The following PRKCSH variants were observed in gnomAD, a reference collection of about 807,000 sequenced individuals.
PRKCSH encodes the protein glucosidase 2 subunit beta.
In PRKCSH, 42 loss-of-function variants were observed where a neutral mutation model predicts 79.7. The observed-to-expected ratio is 0.53, with a 90% confidence interval of 0.41 to 0.68. The LOEUF (loss-of-function observed/expected upper bound fraction) is 0.68, where lower values mean the gene tolerates loss of function less well. Ranked by LOEUF, PRKCSH falls within the 30% of genes least tolerant of loss-of-function variation. The pLI, the probability that PRKCSH is intolerant of heterozygous loss-of-function variation, is 0.00. For missense variants in PRKCSH, 686 were observed against 709.0 expected (o/e 0.97, Z 0.37); for synonymous variants, 325 against 288.2 (o/e 1.13, Z -1.29).
At position 11,442,489 on chromosome 19, in the gene PRKCSH, A is replaced by G. The variant is rs916604550; in HGVS notation, c.572A>G (p.Lys191Arg). 1 of 1,611,784 alleles carries G rather than the reference A, an allele frequency of 6.2e-7. No individual in the cohort carries two copies. Among genetic ancestry groups the G allele is most frequent in the Admixed American group, 1.7e-5 (1 of 59,864 alleles). Residue 191 changes from lysine (K) to arginine (R), a missense_variant, in exon 7 of 18, where the codon AAA (lysine) becomes AGA (arginine). Transcript: ENST00000677123. ...EEAEKPEREA[K>R]EQHQKLWEEQ... is the part of the protein sequence containing the mutation. The stretch of plus-strand genomic sequence containing the variant: ...GCTGAGAAGCCAGAGAGAGAGGCCA[A>G]AGAGCAGCACCAGAAGCTGTGGGAA...
Position 11,447,317 on chromosome 19 carries a change from C to A in PRKCSH, c.850-122C>A. On this transcript the variant is annotated intron_variant, in intron 10 of 17. Coordinates refer to ENST00000677123, the MANE Select transcript of PRKCSH (RefSeq NM_001289104.2). This position sits in a 1 kb window ranked among gnomAD's most constrained non-coding sequence, Gnocchi z 5.6. ...AGACCCCCCGACCCCAGCTGTCGGT[C>A]CTCCCTGCAGGCCCCGCAGGAGGGG... The A allele has an allele frequency of 7.4e-7, 1 of 1,346,548 alleles. No individual in the cohort carries two copies. The highest frequency in any genetic ancestry group is 1.0e-6 in the Non-Finnish European group (1 of 964,954). The allele number at this position is 1,346,548 out of a possible 1,614,324, so 83.4% of individuals were successfully genotyped here.
At chr19:11,442,321 G>C in intron 6 of PRKCSH, 65 bp from the exon 7 acceptor site, 1 of 1,536,020 alleles carries the variant, frequency 6.5e-7, no homozygotes, top group Non-Finnish European at 8.8e-7. Context: ...GAGGCAGGGA[G>C]GTAGTAGTCA....
In PRKCSH at chr19:11,447,300, C is replaced by T. The variant is rs896739189; in HGVS notation, c.850-139C>T. 11 of 1,333,754 alleles carry T rather than the reference C, an allele frequency of 8.2e-6. No individual in the cohort carries two copies. The highest frequency in any genetic ancestry group is 5.9e-5 in the Admixed American group (3 of 50,880). The allele number at this position is 1,333,754 out of a possible 1,614,324, so 82.6% of individuals were successfully genotyped here. Reference sequence around the variant, plus strand: ...CCCAGCACCCCCCACCGAGACCCCCCGACCCCAGCTGTCGGTCCTCCCTGC... The same window carrying T: ...CCCAGCACCCCCCACCGAGACCCCCTGACCCCAGCTGTCGGTCCTCCCTGC... On this transcript the variant is annotated intron_variant, in intron 10 of 17. Transcript: ENST00000677123. The surrounding 1 kb of genome is among the most constrained non-coding windows in gnomAD (Gnocchi z 5.6).
rs1172843245 is a variant in PRKCSH at position 11,449,577 on chromosome 19, C to CT, written c.*16+152dup. The stretch of plus-strand genomic sequence containing the variant: ...TGTTTTTTTGAGGTGGAGTCTCACT[C>CT]TTTGGCCCAGGCTGGAGTGCAGTGA... On this transcript the variant is annotated intron_variant, in intron 17 of 17. Coordinates refer to ENST00000677123, the MANE Select transcript of PRKCSH (RefSeq NM_001289104.2). The surrounding 1 kb of genome is among the most constrained non-coding windows in gnomAD (Gnocchi z 6.4). 1.8e-6 allele frequency: 2 copies of CT among 1,093,288 alleles called. No homozygotes were observed. The highest frequency in any genetic ancestry group is 3.1e-5 in the African/African-American group (2 of 63,682). 67.7% of individuals were successfully genotyped at this position (1,093,288 alleles called of 1,614,324 possible). A position where few individuals can be genotyped will look rare whatever the true frequency, so the allele number is the denominator to read the frequency against.
At chr19:11,439,614 T>TTC (rs1969957776) in intron 5 of PRKCSH, among the ~76,000 whole-genome samples, 1 of 129,204 alleles carries the variant, frequency 7.7e-6, no homozygotes, top group Admixed American at 7.6e-5. Flanking sequence ...TCTTTTTTTT[T>TTC]TTTTTTTTTT....
chr19:11,441,267 C>G lies in PRKCSH; in HGVS notation c.378C>G (p.Ser126=). Residue 126 remains serine, a synonymous_variant, in exon 6 of 18, where the codon TCC becomes TCG. Coordinates refer to ENST00000677123, the MANE Select transcript of PRKCSH (RefSeq NM_001289104.2). ...CKEKGRKERE[S]LQQMAEVTRE... ...AGAAGGGCCGTAAGGAGAGAGAGTC[C>G]CTGCAGCAGATGGCCGAGGTCACCC... 3 of 1,613,998 alleles carry G rather than the reference C, an allele frequency of 1.9e-6. No homozygotes were observed. The highest frequency in any genetic ancestry group is 1.3e-5 in the African/African-American group (1 of 75,010).
intron 6 of PRKCSH, 138 bp downstream of exon 6, chr19:11,441,495 A>T: frequency 1.2e-6 from 1 of 824,214 alleles, no homozygotes; most frequent in Non-Finnish European, 2.1e-6. Flanking sequence ...TTGCTTTCTC[A>T]GTTGTGTGCT....
intron 2 of PRKCSH, 35 bp from the exon 3 acceptor site, chr19:11,436,354 T>TA (rs755172475): frequency 7.8e-5 from 125 of 1,603,700 alleles, no homozygotes; most frequent in Admixed American, 2.3e-4. Flanking sequence ...AGAAGGCGCT[T>TA]ACCTGCCCTG....
In PRKCSH at chr19:11,448,071, A is replaced by G. The variant is rs1413141278; in HGVS notation, c.1127-151A>G. On this transcript the variant is annotated intron_variant, in intron 12 of 17. Transcript: ENST00000677123. The surrounding 1 kb of genome is among the most constrained non-coding windows in gnomAD (Gnocchi z 4.4). ...CTGGGCAGCAAGTCGGGGCTGCTCT[A>G]TAGCTGGTGAGGCCCTCAAGGCTGT... 6 of 886,620 alleles carry G rather than the reference A, an allele frequency of 6.8e-6. No homozygotes were observed. The highest frequency in any genetic ancestry group is 1.7e-5 in the African/African-American group (1 of 60,304). 54.9% of individuals were successfully genotyped at this position (886,620 alleles called of 1,614,324 possible). A position where few individuals can be genotyped will look rare whatever the true frequency, so the allele number is the denominator to read the frequency against.
rs1370966719 is a variant in PRKCSH at position 11,447,973 on chromosome 19, G to A, written c.1126+184G>A. Reference sequence around the variant, plus strand: ...AGTCCCACCCTCGCCAGCCCCAAGGGGCCCTTCTGCCTCCCCAAGGGCCGC... The same window carrying A: ...AGTCCCACCCTCGCCAGCCCCAAGGAGCCCTTCTGCCTCCCCAAGGGCCGC... On this transcript the variant is annotated intron_variant, in intron 12 of 17. Coordinates refer to ENST00000677123, the MANE Select transcript of PRKCSH (RefSeq NM_001289104.2). This position sits in a 1 kb window ranked among gnomAD's most constrained non-coding sequence, Gnocchi z 5.6. The A allele has an allele frequency of 2.1e-5, 17 of 807,118 alleles. No individual in the cohort carries two copies. The highest frequency in any genetic ancestry group is 3.3e-5 in the Non-Finnish European group (17 of 519,864). 50.0% of individuals were successfully genotyped at this position (807,118 alleles called of 1,614,324 possible).
In PRKCSH at chr19:11,441,229, C is replaced by T. The variant is rs1189303245; in HGVS notation, c.351-11C>T. 6.2e-7 allele frequency: 1 copy of T among 1,613,444 alleles called. No individual in the cohort carries two copies. The highest frequency in any genetic ancestry group is 8.5e-7 in the Non-Finnish European group (1 of 1,179,556). On this transcript the variant is annotated splice_polypyrimidine_tract_variant and intron_variant, in intron 5 of 17. Coordinates refer to ENST00000677123, the MANE Select transcript of PRKCSH (RefSeq NM_001289104.2). ...CCCCACTGGTGGTGCCTGTGTGTCTCCGCACCGCAGAGAGAAGGGCCGTAA... is the reference window on the plus strand; with the variant it reads ...CCCCACTGGTGGTGCCTGTGTGTCTTCGCACCGCAGAGAGAAGGGCCGTAA...
At position 11,441,308 on chromosome 19, in the gene PRKCSH, T is replaced by G; in HGVS notation, c.419T>G (p.Leu140Arg). Residue 140 changes from leucine to arginine, a missense_variant, in exon 6 of 18, where the codon CTG becomes CGG. Physicochemically the swap from Leu to Arg is moderately radical, Grantham distance 102. Transcript: ENST00000677123. ...GAGGTCACCCGCGAAGGGTTCCGTC[T>G]GAAGAAGATCCTTATTGAGGACTGG... is the stretch of plus-strand genomic sequence containing the variant. ...MAEVTREGFR[L>R]KKILIEDWKK... 1 of 1,614,016 alleles carries G rather than the reference T, an allele frequency of 6.2e-7. No individual in the cohort carries two copies. The highest frequency in any genetic ancestry group is 1.3e-5 in the African/African-American group (1 of 75,026).
chr19:11,437,725 G>A, intron 3 of PRKCSH, 151 bp from the exon 4 acceptor site: 2 of 750,412 alleles, frequency 2.7e-6, no homozygotes, highest in Non-Finnish European at 4.7e-6. Context: ...TCGAGCCCTG[G>A]CTGTGCAGTG....
intron 3 of PRKCSH, among the ~76,000 whole-genome samples, chr19:11,436,938 G>A (rs1969782301): frequency 6.6e-6 from 1 of 152,214 alleles, no homozygotes; most frequent in Admixed American, 6.5e-5. Flanking sequence ...GCTCACTGCA[G>A]CCTGGAACTC....
intron 8 of PRKCSH, 34 bp downstream of exon 8, chr19:11,445,507 C>T: frequency 6.2e-7 from 1 of 1,600,088 alleles, no homozygotes; most frequent in Non-Finnish European, 8.6e-7. Flanking sequence ...GCCCACCTTT[C>T]CGTGGGCCTG....
At chr19:11,441,767 G>T (rs1190200948) in intron 6 of PRKCSH, among the ~76,000 whole-genome samples, 1 of 152,194 alleles carries the variant, frequency 6.6e-6, no homozygotes, top group Non-Finnish European at 1.5e-5. Context: ...TAGGGTGGGT[G>T]CTTTGGGGTC....
intron 5 of PRKCSH, among the ~76,000 whole-genome samples, chr19:11,439,929 T>G (rs1283359829): frequency 6.6e-6 from 1 of 151,382 alleles, no homozygotes; most frequent in African/African-American, 2.4e-5. Flanking sequence ...GAAAATTTGT[T>G]AAAAAATTAG....
At chr19:11,440,788 C>T (rs912019494) in intron 5 of PRKCSH, among the ~76,000 whole-genome samples, 1 of 152,090 alleles carries the variant, frequency 6.6e-6, no homozygotes, top group African/African-American at 2.4e-5. Context: ...GTCTTTTTGT[C>T]TGGGAGTCAT....
In PRKCSH at chr19:11,447,286, C is replaced by T. The variant is rs1970353317; in HGVS notation, c.849+126C>T. 2 of 1,345,312 alleles carry T rather than the reference C, an allele frequency of 1.5e-6. No homozygotes were observed. Among genetic ancestry groups the T allele is most frequent in the East Asian group, 2.5e-5 (1 of 40,318 alleles). The allele number at this position is 1,345,312 out of a possible 1,614,324, so 83.3% of individuals were successfully genotyped here. Reference sequence around the variant, plus strand: ...GCCAGCTGGGTGGCCCCAGCACCCCCCACCGAGACCCCCCGACCCCAGCTG... The same window carrying T: ...GCCAGCTGGGTGGCCCCAGCACCCCTCACCGAGACCCCCCGACCCCAGCTG... On this transcript the variant is annotated intron_variant, in intron 10 of 17. Coordinates refer to ENST00000677123, the MANE Select transcript of PRKCSH (RefSeq NM_001289104.2). This position sits in a 1 kb window ranked among gnomAD's most constrained non-coding sequence, Gnocchi z 5.6.
Sources: allele counts gnomAD v4.1 joint callset (sites outside exome capture counted in the v4.1 genomes callset), GRCh38; gene constraint gnomAD v4.1.1; non-coding constraint Gnocchi (gnomAD v3.1); transcripts MANE v1.5; gene names NCBI Gene and HGNC (gene_info 2026-07-23, HGNC 2026-07-21).